Variants in SCHIP1 observed in about 807,000 individuals in gnomAD.
The protein encoded by SCHIP1 is schwannomin interacting protein 1.
A neutral mutation model predicts 29.7 loss-of-function variants in SCHIP1; 8 were observed. The ratio of observed to expected loss-of-function variants is 0.27; its 90% confidence interval spans 0.16 to 0.49. The LOEUF (loss-of-function observed/expected upper bound fraction) is 0.49, where lower values mean the gene tolerates loss of function less well. Ranked by LOEUF, SCHIP1 falls within the 20% of genes least tolerant of loss-of-function variation. The pLI, the probability that SCHIP1 is intolerant of heterozygous loss-of-function variation, is 0.99. For synonymous variants in SCHIP1, 76 were observed against 94.9 expected, an observed-to-expected ratio of 0.80 and a Z score of 1.16; for missense variants, 193 against 294.6, an observed-to-expected ratio of 0.66 and a Z score of 2.52.
At chr3:159,338,905 A>T in the SCHIP1 span, among the ~76,000 whole-genome samples, 1 of 152,156 alleles carries the variant, frequency 6.6e-6, no homozygotes, top group Non-Finnish European at 1.5e-5. Flanking sequence ...CTATGTCACT[A>T]ATATAATCTT....
the SCHIP1 span, among the ~76,000 whole-genome samples, chr3:159,383,504 A>C: frequency 2.6e-5 from 4 of 151,748 alleles, no homozygotes; most frequent in Non-Finnish European, 5.9e-5. Context: ...TGTTTTGGTT[A>C]CTGTAGCCTT....
At chr3:159,563,778 T>C in the SCHIP1 span, among the ~76,000 whole-genome samples, 2 of 152,116 alleles carry the variant, frequency 1.3e-5, no homozygotes, top group East Asian at 3.9e-4. Context: ...TGAGCTATGA[T>C]AGCACACTGA....
At chr3:159,784,012 C>T in the SCHIP1 span, among the ~76,000 whole-genome samples, 3 of 152,188 alleles carry the variant, frequency 2.0e-5, no homozygotes, top group Admixed American at 6.5e-5. Context: ...GCTTTGCAGG[C>T]AGGTCCAAGG....
chr3:159,794,560 A>C, the SCHIP1 span, among the ~76,000 whole-genome samples: 10 of 152,190 alleles, frequency 6.6e-5, no homozygotes, highest in African/African-American at 2.4e-4. Flanking sequence ...ACATACAAAA[A>C]GACTAGATTC....
chr3:159,701,322 G>T, the SCHIP1 span, among the ~76,000 whole-genome samples: 1 of 152,032 alleles, frequency 6.6e-6, no homozygotes, highest in African/African-American at 2.4e-5. Context: ...TAGCAAAACT[G>T]AGCACAAAGT....
chr3:159,400,939 G>T, the SCHIP1 span, among the ~76,000 whole-genome samples: 3 of 152,166 alleles, frequency 2.0e-5, no homozygotes, highest in Non-Finnish European at 4.4e-5. Context: ...TCTCTGTAAA[G>T]CTCAGTGGCC....
chr3:159,601,045 T>C, the SCHIP1 span, among the ~76,000 whole-genome samples: 230 of 152,252 alleles, frequency 1.5e-3, 1 homozygote, highest in African/African-American at 5.2e-3. Context: ...GTCCCAAGAG[T>C]AGCAGTGGTG....
the SCHIP1 span, among the ~76,000 whole-genome samples, chr3:159,426,761 T>C: frequency 6.6e-6 from 1 of 152,206 alleles, no homozygotes; most frequent in Non-Finnish European, 1.5e-5. Flanking sequence ...ATATCCTTGA[T>C]GAACATTGAT....
At chr3:159,611,877 C>G in the SCHIP1 span, among the ~76,000 whole-genome samples, 1 of 152,122 alleles carries the variant, frequency 6.6e-6, no homozygotes, top group East Asian at 1.9e-4. Context: ...ATTCACTCCA[C>G]TCCTCTCCTC....
chr3:159,765,139 G>A, the SCHIP1 span: 1 of 1,556,626 alleles, frequency 6.4e-7, no homozygotes, highest in Non-Finnish European at 8.7e-7. Flanking sequence ...CTCCACCTCC[G>A]TAAGTTGGCC....
At chr3:159,348,607 G>T in the SCHIP1 span, among the ~76,000 whole-genome samples, 29 of 152,210 alleles carry the variant, frequency 1.9e-4, no homozygotes, top group African/African-American at 6.7e-4. Flanking sequence ...TTAGCATAAA[G>T]TGATTCGATA....
the SCHIP1 span, among the ~76,000 whole-genome samples, chr3:159,489,059 T>C: frequency 6.6e-6 from 1 of 152,370 alleles, no homozygotes; most frequent in African/African-American, 2.4e-5. Context: ...CTATATGCAA[T>C]GATAGAATGC....
chr3:159,891,120 C>G (rs1717484555), intron 5 of SCHIP1, among the ~76,000 whole-genome samples: 1 of 152,092 alleles, frequency 6.6e-6, no homozygotes, highest in East Asian at 1.9e-4. Flanking sequence ...ACCTGTAATC[C>G]CAGCACTTTG....
chr3:159,754,709 A>C, the SCHIP1 span, among the ~76,000 whole-genome samples: 5 of 152,202 alleles, frequency 3.3e-5, no homozygotes, highest in African/African-American at 1.2e-4. Flanking sequence ...CAGGACAACA[A>C]GTATAAAGCA....
At chr3:159,411,460 G>A in the SCHIP1 span, among the ~76,000 whole-genome samples, 9 of 151,972 alleles carry the variant, frequency 5.9e-5, no homozygotes, top group African/African-American at 2.2e-4. Context: ...AAAGTATATG[G>A]GTGATTTCTA....
chr3:159,652,025 G>A, the SCHIP1 span, among the ~76,000 whole-genome samples: 1 of 152,056 alleles, frequency 6.6e-6, no homozygotes, highest in South Asian at 2.1e-4. Context: ...GAACCCAGGA[G>A]GTGGAGGTTG....
the SCHIP1 span, among the ~76,000 whole-genome samples, chr3:159,707,573 C>T: frequency 1.3e-5 from 2 of 152,142 alleles, no homozygotes; most frequent in Non-Finnish European, 2.9e-5. Context: ...ACAGTCCATT[C>T]TTGGATCCTG....
chr3:159,866,258 T>C (rs764393250), exon 2 of SCHIP1: 1 of 1,613,692 alleles, frequency 6.2e-7, no homozygotes, highest in Admixed American at 1.7e-5. Flanking sequence ...GTAGCAAAAG[T>C]GGGAAGCCAA....
At chr3:159,508,713 A>C in the SCHIP1 span, among the ~76,000 whole-genome samples, 75 of 152,182 alleles carry the variant, frequency 4.9e-4, no homozygotes, top group African/African-American at 1.8e-3. Context: ...TTCTGCCTTC[A>C]TTTTGTTATG....
Sources: allele counts gnomAD v4.1 joint callset (sites outside exome capture counted in the v4.1 genomes callset), GRCh38; gene constraint gnomAD v4.1.1; transcripts MANE v1.5; gene names NCBI Gene and HGNC (gene_info 2026-07-23, HGNC 2026-07-21).